The following PHF21B variants were observed in gnomAD, a reference collection of about 807,000 sequenced individuals.
The protein encoded by PHF21B is PHD finger protein 4.
A neutral mutation model predicts 62.2 loss-of-function variants in PHF21B; 22 were observed. That is an observed-to-expected ratio of 0.35 (90% CI 0.25 to 0.51). The LOEUF (loss-of-function observed/expected upper bound fraction) is 0.51, where lower values mean the gene tolerates loss of function less well. Among genes scored for constraint, PHF21B ranks in the 20% least tolerant of loss-of-function variants. The pLI, the probability that PHF21B is intolerant of heterozygous loss-of-function variation, is 0.97. For synonymous variants in PHF21B, 341 were observed against 314.7 expected (o/e 1.08, Z -0.88); for missense variants, 701 against 707.9 (o/e 0.99, Z 0.11).
chr22:44,943,590 G>C (rs1423412300), intron 2 of PHF21B, among the ~76,000 whole-genome samples: 2 of 152,032 alleles, frequency 1.3e-5, no homozygotes, highest in Non-Finnish European at 2.9e-5. Flanking sequence ...TAGAGTCCTG[G>C]CAGCTGGCTC....
At chr22:45,007,229 C>T (rs984106202) in intron 2 of PHF21B, among the ~76,000 whole-genome samples, 3 of 44,118 alleles carry the variant, frequency 6.8e-5, no homozygotes, top group East Asian at 2.4e-3. Flanking sequence ...CCCGGCCCCC[C>T]CCAAAACCCG....
chr22:44,959,712 A>G (rs998592983), intron 2 of PHF21B, among the ~76,000 whole-genome samples: 12 of 152,190 alleles, frequency 7.9e-5, no homozygotes, highest in African/African-American at 2.9e-4. Flanking sequence ...CCCACGGGAA[A>G]AGTCTTCATG....
intron 2 of PHF21B, among the ~76,000 whole-genome samples, chr22:44,936,032 C>T (rs778860322): frequency 4.6e-5 from 7 of 152,324 alleles, no homozygotes; most frequent in Non-Finnish European, 8.8e-5. Context: ...GTGCAAATAA[C>T]GTGTTGAAAA....
intron 2 of PHF21B, among the ~76,000 whole-genome samples, chr22:44,977,838 T>C (rs1313669120): frequency 6.6e-6 from 1 of 151,606 alleles, no homozygotes; most frequent in Non-Finnish European, 1.5e-5. Context: ...CCTCCCACCA[T>C]GGCCTCCCAA....
intron 2 of PHF21B, among the ~76,000 whole-genome samples, chr22:44,974,409 TAA>T (rs77760918): frequency 3.0e-4 from 41 of 135,022 alleles, no homozygotes; most frequent in East Asian, 4.2e-4. Flanking sequence ...GACCCTGTCT[TAA>T]AAAAAAAAAA....
intron 1 of PHF21B, chr22:45,008,928 G>T: frequency 1.8e-6 from 2 of 1,113,050 alleles, no homozygotes; most frequent in African/African-American, 1.7e-5. Context: ...GTGTGTGCCG[G>T]GGGAGGGGGG....
chr22:44,905,394 T>TA (rs761385896), intron 5 of PHF21B, among the ~76,000 whole-genome samples: 57 of 152,372 alleles, frequency 3.7e-4, no homozygotes, highest in Admixed American at 1.4e-3. Context: ...CTAAATGTTT[T>TA]ATATCCTTGG....
At chr22:44,922,345 G>A (rs2071552808) in intron 2 of PHF21B, among the ~76,000 whole-genome samples, 1 of 152,128 alleles carries the variant, frequency 6.6e-6, no homozygotes, top group Admixed American at 6.6e-5. Flanking sequence ...ATAAAAATCA[G>A]TTGTGGGCTG....
chr22:44,914,043 A>C lies in PHF21B; in HGVS notation c.610T>G (p.Cys204Gly). The C allele has an allele frequency of 1.9e-6, 2 of 1,077,662 alleles. No homozygotes were observed. The highest frequency in any genetic ancestry group is 2.6e-6 in the Non-Finnish European group (2 of 758,528). The allele number at this position is 1,077,662 out of a possible 1,614,324, so 66.8% of individuals were successfully genotyped here. Residue 204 changes from cysteine (C) to glycine (G), a missense_variant, in exon 5 of 13, where the codon TGT (cysteine) becomes GGT (glycine). By Grantham distance (159) the Cys-to-Gly change is radical. Transcript: ENST00000313237. ...LSSPHPATHH[C>G]PLHPSSLPLT... ...GGAAGAGAGGAGGGGTGGAGGGGAC[A>C]GTGATGGGTTGCGGGGTGAGGGGAA...
chr22:44,942,238 C>G (rs1029398493), intron 2 of PHF21B, among the ~76,000 whole-genome samples: 10 of 152,318 alleles, frequency 6.6e-5, no homozygotes, highest in African/African-American at 2.4e-4. Flanking sequence ...GTGTGGGGGC[C>G]TGGGACACAG....
chr22:44,954,919 TG>T (rs2072264682), intron 2 of PHF21B, among the ~76,000 whole-genome samples: 1 of 151,990 alleles, frequency 6.6e-6, no homozygotes, highest in Non-Finnish European at 1.5e-5. Flanking sequence ...GGAGAAGGAA[TG>T]GGACAGAGAA....
intron 2 of PHF21B, among the ~76,000 whole-genome samples, chr22:44,974,236 G>A (rs536255763): frequency 1.3e-5 from 2 of 151,978 alleles, no homozygotes; most frequent in African/African-American, 2.4e-5. Context: ...CCAACATGGC[G>A]AAACCCTGTC....
intron 2 of PHF21B, among the ~76,000 whole-genome samples, chr22:44,921,775 C>T (rs1205206499): frequency 6.6e-6 from 1 of 152,048 alleles, no homozygotes; most frequent in Non-Finnish European, 1.5e-5. Context: ...TCTCCCGCCT[C>T]AGCCTCCCGA....
chr22:44,985,186 G>A (rs1411464789), intron 2 of PHF21B, among the ~76,000 whole-genome samples: 4 of 152,172 alleles, frequency 2.6e-5, no homozygotes, highest in Non-Finnish European at 5.9e-5. Flanking sequence ...ATCATTTACA[G>A]TTTGTAAATA....
At chr22:44,980,536 G>A (rs948758703) in intron 2 of PHF21B, among the ~76,000 whole-genome samples, 1 of 152,206 alleles carries the variant, frequency 6.6e-6, no homozygotes, top group Non-Finnish European at 1.5e-5. Context: ...CCCAGTGAAG[G>A]GGGTCTGGAG....
At chr22:44,895,822 T>C (rs1016926714) in intron 6 of PHF21B, among the ~76,000 whole-genome samples, 5 of 152,172 alleles carry the variant, frequency 3.3e-5, no homozygotes, top group African/African-American at 4.8e-5. Flanking sequence ...CCTCAGGCAC[T>C]TGGGGCAGAC....
intron 8 of PHF21B, among the ~76,000 whole-genome samples, chr22:44,890,413 C>T (rs771420574): frequency 1.3e-5 from 2 of 152,188 alleles, no homozygotes; most frequent in Non-Finnish European, 2.9e-5. Flanking sequence ...GCAAATAATG[C>T]CACCCAGCGG....
chr22:44,928,392 C>T (rs150738859), intron 2 of PHF21B, among the ~76,000 whole-genome samples: 63 of 152,312 alleles, frequency 4.1e-4, no homozygotes, highest in African/African-American at 1.4e-3. Flanking sequence ...AACAGCCCCA[C>T]AGCACCCCTT....
chr22:44,924,058 G>A (rs559627847), intron 2 of PHF21B, among the ~76,000 whole-genome samples: 1 of 99,668 alleles, frequency 1.0e-5, no homozygotes, highest in Non-Finnish European at 2.3e-5. Flanking sequence ...AGAAGAGGGA[G>A]GGAGGGAGGG....
Sources: gnomAD v4.1 joint callset for allele counts (sites outside exome capture counted in the v4.1 genomes callset) on GRCh38, gnomAD v4.1.1 for gene constraint, MANE v1.5 for transcripts, NCBI Gene and HGNC (gene_info 2026-07-23, HGNC 2026-07-21) for gene names.